Variants in ABCC3 observed in about 807,000 individuals in gnomAD.
ABCC3 encodes the protein ATP binding cassette subfamily C member 3.
ABCC3 carries 121 observed loss-of-function variants against 165.3 expected under a neutral mutation model. The observed-to-expected ratio is 0.73, with a 90% CI of 0.63 to 0.85. The LOEUF is 0.85. ABCC3 is among the 40% of genes least tolerant of loss of function. The pLI is 0.00. For synonymous variants in ABCC3, 733 were observed against 810.1 expected, an observed-to-expected ratio of 0.90 and a Z score of 1.62; for missense variants, 1,869 against 1,964.1, an observed-to-expected ratio of 0.95 and a Z score of 0.92.
In ABCC3 at chr17:50,661,085, G is replaced by C. The variant is rs748309616; in HGVS notation, c.969G>C (p.Leu323=). The change falls in exon 8 of 31, where the codon CTG becomes CTC. Residue 323 remains leucine (L), a synonymous_variant. Coordinates refer to ENST00000285238, the MANE Select transcript of ABCC3 (RefSeq NM_003786.4). ...CCTGCTTCAAGCTTATCCAGGACCT[G>C]CTCTCCTTCATCAATCCACAGCTGC... ...ISACFKLIQD[L]LSFINPQLLS... The C allele has an allele frequency of 1.2e-6, 2 of 1,613,896 alleles. No individual in the cohort carries two copies. The highest frequency in any genetic ancestry group is 4.5e-5 in the East Asian group (2 of 44,878).
chr17:50,658,968 A>G (rs959692909), intron 6 of ABCC3, among the ~76,000 whole-genome samples: 6 of 152,202 alleles, frequency 3.9e-5, no homozygotes, highest in African/African-American at 7.2e-5. Context: ...GGCAGCGTGG[A>G]TTCCATCACC....
Position 50,658,434 on chromosome 17 carries a change from G to A in ABCC3, c.613-1G>A. The A allele has an allele frequency of 6.2e-7, 1 of 1,613,946 alleles. No individual in the cohort carries two copies. Among genetic ancestry groups the A allele is most frequent in the South Asian group, 1.1e-5 (1 of 91,070 alleles). On this transcript the variant is annotated splice_acceptor_variant, in intron 5 of 30. Transcript: ENST00000285238. LOFTEE classifies it high-confidence loss of function. ...CCCCGTCCTATTCTCTCGCCTTCTA[G>A]AACCCCTACCCTGAGACCAGCGCTG...
At chr17:50,642,896 C>T (rs752191388) in intron 1 of ABCC3, among the ~76,000 whole-genome samples, 1 of 152,226 alleles carries the variant, frequency 6.6e-6, no homozygotes, top group African/African-American at 2.4e-5. Flanking sequence ...GTGCCTGTCC[C>T]GGCCACACAC....
At chr17:50,658,247 G>A in intron 5 of ABCC3, 40 bp downstream of exon 5, 1 of 1,614,054 alleles carries the variant, frequency 6.2e-7, no homozygotes, top group South Asian at 1.1e-5. Context: ...CCACAGCTGA[G>A]TCCTCAGCCC....
chr17:50,684,184 A>G (rs1967980374), intron 28 of ABCC3, 77 bp downstream of exon 28: 1 of 1,539,904 alleles, frequency 6.5e-7, no homozygotes, highest in Middle Eastern at 1.7e-4. Flanking sequence ...TAGCTTTAGG[A>G]TGGAGACTGG....
chr17:50,667,425 T>C, intron 11 of ABCC3, 129 bp from the exon 12 acceptor site: 1 of 821,186 alleles, frequency 1.2e-6, no homozygotes, highest in Non-Finnish European at 1.9e-6. Flanking sequence ...CAGCAAGGAG[T>C]TGTGAGAAGG....
intron 26 of ABCC3, 71 bp downstream of exon 26, chr17:50,679,970 C>T: frequency 8.1e-7 from 1 of 1,231,030 alleles, no homozygotes; most frequent in Non-Finnish European, 1.2e-6. Flanking sequence ...GTGGCTCTCT[C>T]TCCCTCAACA....
intron 27 of ABCC3, 50 bp downstream of exon 27, chr17:50,683,806 G>A (rs1165129774): frequency 1.2e-5 from 19 of 1,575,032 alleles, no homozygotes; most frequent in Non-Finnish European, 1.6e-5. Flanking sequence ...CTGCAGACAT[G>A]GCCACAGCCC....
chr17:50,642,981 C>T (rs766094968), intron 1 of ABCC3, among the ~76,000 whole-genome samples: 122 of 152,352 alleles, frequency 8.0e-4, no homozygotes, highest in Non-Finnish European at 1.1e-3. Context: ...CAGTGCCCCT[C>T]CTATATACCC....
chr17:50,642,383 A>C (rs537833821), intron 1 of ABCC3, among the ~76,000 whole-genome samples: 6 of 152,328 alleles, frequency 3.9e-5, no homozygotes, highest in Non-Finnish European at 5.9e-5. Flanking sequence ...CAAGGAAAGG[A>C]GCCCAGGCTG....
At chr17:50,688,656 G>A (rs144894470) in intron 30 of ABCC3, among the ~76,000 whole-genome samples, 1 of 152,290 alleles carries the variant, frequency 6.6e-6, no homozygotes, top group East Asian at 1.9e-4. Context: ...GGAGGCCAAG[G>A]AGGGCGGATG....
rs1272412780 is a variant in ABCC3, at chr17:50,674,016, CTCTCTCTCTCTCTCTCTCTCTTTCTT to C, written c.2599+362_2599+387del. Among the ~76,000 whole-genome samples, 3 of 25,590 alleles carry C rather than the reference CTCTCTCTCTCTCTCTCTCTCTTTCTT, an allele frequency of 1.2e-4. 1 individual carries two copies. The highest frequency in any genetic ancestry group is 6.9e-4 in the African/African-American group (3 of 4,356). 16.8% of individuals were successfully genotyped at this position (25,590 alleles called of 152,430 possible). On this transcript the variant is annotated intron_variant, in intron 19 of 30. Coordinates refer to ENST00000285238, the MANE Select transcript of ABCC3 (RefSeq NM_003786.4). ...TCTCTCTCTCTCTCTCTCTCTCTCT[CTCTCTCTCTCTCTCTCTCTCTTTCTT>C]TCTTTCTTTCTTTCTTTCTTTCTTT...
intron 1 of ABCC3, among the ~76,000 whole-genome samples, chr17:50,641,882 C>CA (rs1200057924): frequency 6.6e-6 from 1 of 150,954 alleles, no homozygotes; most frequent in Non-Finnish European, 1.5e-5. Flanking sequence ...CCCATCTCTA[C>CA]AAAAAAATTA....
intron 23 of ABCC3, among the ~76,000 whole-genome samples, chr17:50,676,880 T>C (rs875238): frequency 2.0e-3 from 83 of 42,200 alleles, no homozygotes; most frequent in African/African-American, 7.8e-3. Flanking sequence ...GTTGGCTTTT[T>C]TTTTTTGGGG....
At chr17:50,637,734 T>C (rs1403021278) in intron 1 of ABCC3, among the ~76,000 whole-genome samples, 1 of 152,278 alleles carries the variant, frequency 6.6e-6, no homozygotes, top group African/African-American at 2.4e-5. Context: ...TGTGGAATGA[T>C]TTTAAGAACT....
At position 50,676,562 on chromosome 17, in the gene ABCC3, CT is replaced by C. The variant is rs1274958489; in HGVS notation, c.3353del (p.Leu1118ArgfsTer7). The C allele has an allele frequency of 3.8e-6, 6 of 1,562,502 alleles. No individual in the cohort carries two copies. The African/African-American group carries it at 5.5e-5, about 14-fold the overall frequency. On this transcript the variant is annotated frameshift_variant, in exon 23 of 31. Coordinates refer to ENST00000285238, the MANE Select transcript of ABCC3 (RefSeq NM_003786.4). LOFTEE classifies it high-confidence loss of function. ...TPLFTVVILP[L>X]AVLYTLVQRF... The stretch of plus-strand genomic sequence containing the variant: ...GCTCTTCACTGTGGTCATCCTGCCC[CT>C]GGCTGTGCTCTACACCTTAGTGCAG...
intron 29 of ABCC3, among the ~76,000 whole-genome samples, chr17:50,685,548 T>C (rs188562168): frequency 3.8e-4 from 58 of 152,270 alleles, no homozygotes; most frequent in Non-Finnish European, 7.1e-4. Context: ...ATAACTTATT[T>C]AGCCCAATAT....
In ABCC3 at chr17:50,678,135, G is replaced by A. The variant is rs1297575407; in HGVS notation, c.3621G>A (p.Val1207=). 6.3e-7 allele frequency: 1 copy of A among 1,575,806 alleles called. No individual in the cohort carries two copies. Among genetic ancestry groups the A allele is most frequent in the East Asian group, 2.2e-5 (1 of 44,566 alleles). ...TGGAGTTCGTGGGGAACTGCGTGGT[G>A]CTCTTTGCTGCACTATTTGCCGTCA... ...IGVEFVGNCV[V]LFAALFAVIG... The change falls in exon 25 of 31, where the codon GTG becomes GTA. Residue 1207 remains valine (V), a synonymous_variant. Coordinates refer to ENST00000285238, the MANE Select transcript of ABCC3 (RefSeq NM_003786.4).
intron 19 of ABCC3, 101 bp from the exon 20 acceptor site, chr17:50,675,261 T>A: frequency 1.4e-6 from 1 of 713,154 alleles, no homozygotes; most frequent in East Asian, 2.7e-5. Flanking sequence ...TTTTCATGCT[T>A]GTCCATTGAA....
Sources: allele counts gnomAD v4.1 joint callset (sites outside exome capture counted in the v4.1 genomes callset), GRCh38; gene constraint gnomAD v4.1.1; transcripts MANE v1.5; gene names NCBI Gene and HGNC (gene_info 2026-07-23, HGNC 2026-07-21).